The following KDM4B variants were observed in gnomAD, a reference collection of about 807,000 sequenced individuals.
The protein encoded by KDM4B is lysine-specific demethylase 4B.
KDM4B carries 32 observed loss-of-function variants against 125.2 expected under a neutral mutation model. That is an observed-to-expected ratio of 0.26 (90% CI 0.19 to 0.34). The LOEUF (loss-of-function observed/expected upper bound fraction) is 0.34. KDM4B is among the 10% of genes least tolerant of loss of function. The pLI, the probability that KDM4B is intolerant of heterozygous loss-of-function variation, is 1.00. For synonymous variants in KDM4B, 721 were observed against 677.9 expected (o/e 1.06, Z -0.99); for missense variants, 1,190 against 1,577.7 (o/e 0.75, Z 4.16).
intron 6 of KDM4B, among the ~76,000 whole-genome samples, chr19:5,068,674 C>T (rs948517702): frequency 5.3e-5 from 8 of 152,196 alleles, no homozygotes; most frequent in South Asian, 4.1e-4. Context: ...AGGTGCAGCT[C>T]GCTGTTGGGC....
At position 5,047,509 on chromosome 19, in the gene KDM4B, A is replaced by T. The variant is rs2037065417; in HGVS notation, c.466A>T (p.Thr156Ser). ...CCAGTGGAACATCGGGAGCCTCCGG[A>T]CCATCCTGGACATGGTGGAGCGCGA... ...VAQWNIGSLRTILDMVERECG... is the reference protein window; with the variant it reads ...VAQWNIGSLRSILDMVERECG... The change falls in exon 6 of 23, where the codon ACC becomes TCC. Residue 156 changes from threonine (T) to serine (S), a missense_variant. Around this residue, in one of 7 missense-constraint regions of KDM4B, gnomAD observed 139 missense variants for 248.3 expected, o/e 0.56. Coordinates refer to ENST00000159111, the MANE Select transcript of KDM4B (RefSeq NM_015015.3). The T allele has an allele frequency of 6.2e-7, 1 of 1,613,104 alleles. No homozygotes were observed. Among genetic ancestry groups the T allele is most frequent in the African/African-American group, 1.3e-5 (1 of 74,924 alleles).
At chr19:5,042,199 C>G (rs2036841143) in intron 5 of KDM4B, among the ~76,000 whole-genome samples, 1 of 152,186 alleles carries the variant, frequency 6.6e-6, no homozygotes, top group Non-Finnish European at 1.5e-5. Context: ...TGTTCTTGCA[C>G]TGCTATAAAG....
At chr19:5,026,366 G>A (rs752944379) in intron 2 of KDM4B, among the ~76,000 whole-genome samples, 1 of 152,118 alleles carries the variant, frequency 6.6e-6, no homozygotes, top group Non-Finnish European at 1.5e-5. Context: ...TGCCTGGGCT[G>A]GAGTGTAGTG....
intron 13 of KDM4B, among the ~76,000 whole-genome samples, chr19:5,132,641 G>A (rs184173233): frequency 3.4e-4 from 52 of 152,224 alleles, no homozygotes; most frequent in Non-Finnish European, 2.5e-4. Flanking sequence ...AGGGGCCCCC[G>A]CGGGCTGGCT....
chr19:5,091,092 C>G (rs1390116179), intron 9 of KDM4B, among the ~76,000 whole-genome samples: 1 of 152,252 alleles, frequency 6.6e-6, no homozygotes, highest in African/African-American at 2.4e-5. Context: ...CCGCCTTTCT[C>G]ACGCTGAACT....
In KDM4B at chr19:5,151,597, C is replaced by CAT; in HGVS notation, c.*86_*87insAT. The CAT allele has an allele frequency of 8.5e-7, 1 of 1,174,288 alleles. No homozygotes were observed. 72.7% of individuals were successfully genotyped at this position (1,174,288 alleles called of 1,614,324 possible). On this transcript the variant is annotated 3_prime_UTR_variant, in exon 23 of 23. Coordinates refer to ENST00000159111, the MANE Select transcript of KDM4B (RefSeq NM_015015.3). ...TTCGCTTGCTGTGAATTCCTGTCCT[C>CAT]GTGTCCCCGACCCCCGAGAGGCCAC...
At position 5,035,516 on chromosome 19, in the gene KDM4B, G is replaced by A. The variant is rs145292396; in HGVS notation, c.141+2485G>A. ...GGCCTTGGGTGCAGCCTGGGTTCCC[G>A]GGTGGCCTGTCCTCCCCCGCGCTGG... On this transcript the variant is annotated intron_variant, in intron 3 of 22. Transcript: ENST00000159111. The surrounding 1 kb of genome is among the most constrained non-coding windows in gnomAD (Gnocchi z 5.3). Among the ~76,000 whole-genome samples, 4 of 152,112 alleles carry A rather than the reference G, an allele frequency of 2.6e-5. No homozygotes were observed. The highest frequency in any genetic ancestry group is 5.9e-5 in the Non-Finnish European group (4 of 67,960).
At chr19:5,064,770 T>C (rs946987766) in intron 6 of KDM4B, among the ~76,000 whole-genome samples, 5 of 152,056 alleles carry the variant, frequency 3.3e-5, no homozygotes, top group African/African-American at 1.2e-4. Flanking sequence ...GAGAGGGCGC[T>C]GGGAGTCACC....
intron 3 of KDM4B, among the ~76,000 whole-genome samples, chr19:5,039,420 A>T (rs2036732493): frequency 6.6e-6 from 1 of 152,168 alleles, no homozygotes; most frequent in Admixed American, 6.5e-5. Flanking sequence ...GTGCCACTGC[A>T]GTCCAGCCTG....
At chr19:5,027,427 G>A (rs2036314411) in intron 2 of KDM4B, among the ~76,000 whole-genome samples, 1 of 152,124 alleles carries the variant, frequency 6.6e-6, no homozygotes, top group Non-Finnish European at 1.5e-5. Context: ...ATGTCTCCTT[G>A]TCCTCTCTCA....
chr19:4,995,847 G>T (rs2035182703), intron 1 of KDM4B, among the ~76,000 whole-genome samples: 1 of 152,180 alleles, frequency 6.6e-6, no homozygotes, highest in African/African-American at 2.4e-5. Context: ...ACCCTGAAAT[G>T]GCCTGTCTTG....
chr19:5,151,316 TGCTTCC>T lies in KDM4B; in HGVS notation c.3115-15_3115-10del. The T allele has an allele frequency of 6.6e-7, 1 of 1,507,950 alleles. No individual in the cohort carries two copies. The highest frequency in any genetic ancestry group is 1.3e-5 in the South Asian group (1 of 79,274). 93.4% of individuals were successfully genotyped at this position (1,507,950 alleles called of 1,614,324 possible). On this transcript the variant is annotated splice_polypyrimidine_tract_variant and intron_variant, in intron 22 of 22. Coordinates refer to ENST00000159111, the MANE Select transcript of KDM4B (RefSeq NM_015015.3). ...AGTGTCTCCACCGTGCTAACCACTG[TGCTTCC>T]GCTCTCCCGCAGTCACTGAGCACGG... is the stretch of plus-strand genomic sequence containing the variant.
intron 9 of KDM4B, among the ~76,000 whole-genome samples, chr19:5,083,340 C>T (rs1160733952): frequency 6.6e-6 from 1 of 152,202 alleles, no homozygotes; most frequent in African/African-American, 2.4e-5. Context: ...ACCCCCTCCC[C>T]CATGGTCTCT....
intron 6 of KDM4B, among the ~76,000 whole-genome samples, chr19:5,058,442 A>T (rs2037477591): frequency 6.6e-6 from 1 of 152,002 alleles, no homozygotes; most frequent in South Asian, 2.1e-4. Context: ...TGAGGGGAGG[A>T]TGGGTGACCA....
chr19:5,116,236 A>T (rs986189508), intron 10 of KDM4B, among the ~76,000 whole-genome samples: 65 of 34,644 alleles, frequency 1.9e-3, no homozygotes, highest in Admixed American at 3.6e-3. Context: ...CCACATCTCT[A>T]AAAAAAAAAA....
At chr19:5,132,183 T>A (rs887312773) in intron 13 of KDM4B, among the ~76,000 whole-genome samples, 176 bp downstream of exon 13, 3 of 152,140 alleles carry the variant, frequency 2.0e-5, no homozygotes, top group Non-Finnish European at 4.4e-5. Flanking sequence ...GGGCAGGTGG[T>A]CGTGCGGGGA....
At position 5,078,657 on chromosome 19, in the gene KDM4B, AG is replaced by A. The variant is rs35229986; in HGVS notation, c.780+1193del. On this transcript the variant is annotated intron_variant, in intron 8 of 22. Coordinates refer to ENST00000159111, the MANE Select transcript of KDM4B (RefSeq NM_015015.3). The surrounding 1 kb of genome is among the most constrained non-coding windows in gnomAD (Gnocchi z 4.5). ...CCTTCTCCAAAGTGGTGCTTCCTGG[AG>A]GGGGGTGCCCATCGAAGGGGTGGGC... The A allele has an allele frequency of 6.6e-6, 1 of 152,186 alleles. No homozygotes were observed. The highest frequency in any genetic ancestry group is 1.5e-5 in the Non-Finnish European group (1 of 68,144). The allele number at this position is 152,186 out of a possible 1,614,324, so 9.4% of individuals were successfully genotyped here.
intron 1 of KDM4B, among the ~76,000 whole-genome samples, chr19:4,976,916 G>A (rs2034466764): frequency 6.6e-6 from 1 of 152,210 alleles, no homozygotes; most frequent in African/African-American, 2.4e-5. Flanking sequence ...TCAAGAAATC[G>A]TACCGTTAAT....
chr19:5,088,840 CAA>C (rs1218944433), intron 9 of KDM4B, among the ~76,000 whole-genome samples: 5 of 152,140 alleles, frequency 3.3e-5, no homozygotes, highest in African/African-American at 4.8e-5. Context: ...ATACGGTAAA[CAA>C]AGAGAAGTGG....
Sources: gnomAD v4.1 joint callset for allele counts (sites outside exome capture counted in the v4.1 genomes callset) on GRCh38, gnomAD v4.1.1 for gene constraint, gnomAD v4.1.1 regional missense constraint, Gnocchi (gnomAD v3.1) non-coding constraint, MANE v1.5 for transcripts, NCBI Gene and HGNC (gene_info 2026-07-23, HGNC 2026-07-21) for gene names.